DLG2: variants seen among roughly 807,000 people sequenced by gnomAD.
The protein encoded by DLG2 is disks large homolog 2.
DLG2 carries 45 observed loss-of-function variants against 132.5 expected under a neutral mutation model. That is an observed-to-expected ratio of 0.34 (90% CI 0.27 to 0.44). The LOEUF is 0.44. Among genes scored for constraint, DLG2 ranks in the 20% least tolerant of loss-of-function variants. The pLI is 1.00. For synonymous variants in DLG2, 424 were observed against 419.6 expected (o/e 1.01, Z -0.13); for missense variants, 1,045 against 1,196.9 (o/e 0.87, Z 1.87).
chr11:83,820,086 C>G (rs530645480), intron 17 of DLG2, among the ~76,000 whole-genome samples: 1 of 152,250 alleles, frequency 6.6e-6, no homozygotes, highest in African/African-American at 2.4e-5. Context: ...AGTATGAAAA[C>G]TGGGCAAAAG....
chr11:84,983,193 A>G (rs1009370140), intron 6 of DLG2, among the ~76,000 whole-genome samples: 1 of 152,150 alleles, frequency 6.6e-6, no homozygotes, highest in African/African-American at 2.4e-5. Context: ...TACACTAGGA[A>G]AGCCAAGAGA....
At chr11:84,228,335 G>A (rs890589585) in intron 8 of DLG2, among the ~76,000 whole-genome samples, 1 of 152,172 alleles carries the variant, frequency 6.6e-6, no homozygotes. Context: ...ATTAGTCCTT[G>A]ACACATTCAT....
intron 16 of DLG2, among the ~76,000 whole-genome samples, chr11:83,840,271 A>T (rs2057256213): frequency 6.6e-6 from 1 of 152,104 alleles, no homozygotes; most frequent in Non-Finnish European, 1.5e-5. Context: ...GAAAATGTGA[A>T]CTCCTAGAAC....
At chr11:85,000,750 C>G (rs1271096782) in intron 6 of DLG2, among the ~76,000 whole-genome samples, 1 of 152,172 alleles carries the variant, frequency 6.6e-6, no homozygotes, top group Non-Finnish European at 1.5e-5. Context: ...TATCCTAGCT[C>G]TGCTCTCCTC....
intron 3 of DLG2, among the ~76,000 whole-genome samples, chr11:85,342,680 A>G (rs2082580044): frequency 6.6e-6 from 1 of 152,230 alleles, no homozygotes; most frequent in South Asian, 2.1e-4. Context: ...AGACTTTTAT[A>G]CAACTGGCAG....
intron 3 of DLG2, among the ~76,000 whole-genome samples, chr11:85,412,149 A>T (rs2089367992): frequency 6.6e-6 from 1 of 151,854 alleles, no homozygotes; most frequent in South Asian, 2.1e-4. Flanking sequence ...TAGAGTTAGG[A>T]ATAAGCATAT....
intron 7 of DLG2, among the ~76,000 whole-genome samples, chr11:84,285,580 T>G (rs1184793749): frequency 6.6e-6 from 1 of 152,204 alleles, no homozygotes; most frequent in Non-Finnish European, 1.5e-5. Flanking sequence ...ACCAGATCCC[T>G]GTCCTCTATT....
intron 3 of DLG2, among the ~76,000 whole-genome samples, chr11:85,303,977 A>C (rs1016773170): frequency 6.6e-6 from 1 of 152,206 alleles, no homozygotes; most frequent in Admixed American, 6.5e-5. Context: ...AATGTTATAC[A>C]TGGTTTTCAA....
intron 6 of DLG2, among the ~76,000 whole-genome samples, chr11:84,672,806 C>T (rs2099707321): frequency 6.6e-6 from 1 of 151,966 alleles, no homozygotes; most frequent in Admixed American, 6.6e-5. Context: ...GAAGAAATAC[C>T]TAAGACTTGG....
chr11:85,128,335 G>GA, intron 5 of DLG2, among the ~76,000 whole-genome samples: 4 of 151,846 alleles, frequency 2.6e-5, no homozygotes, highest in Non-Finnish European at 5.9e-5. Context: ...TTTATCTTCA[G>GA]AGAAAATATA....
chr11:84,294,228 T>C (rs1270012255), intron 7 of DLG2, among the ~76,000 whole-genome samples: 1 of 152,222 alleles, frequency 6.6e-6, no homozygotes, highest in African/African-American at 2.4e-5. Flanking sequence ...TATGAGTTTA[T>C]TATCTTAAAG....
chr11:84,893,591 T>C (rs2089761298), intron 6 of DLG2, among the ~76,000 whole-genome samples: 1 of 152,188 alleles, frequency 6.6e-6, no homozygotes, highest in South Asian at 2.1e-4. Context: ...TGAGTCTCAC[T>C]TTGAACGTGG....
rs565262139 is a variant in DLG2, at chr11:83,825,578, T to C, written c.1722+8036A>G. ...GACGCTTGGGGCAATTCATGAGTTC[T>C]CTGGTCCCTTTTAGATAATGGAGGG... On this transcript the variant is annotated intron_variant, in intron 17 of 27. Transcript: ENST00000376104. 9.9e-5 allele frequency among the ~76,000 whole-genome samples: 15 copies of C among 152,260 alleles called. No individual in the cohort carries two copies. The East Asian group carries it at 2.7e-3, about 27-fold the overall frequency.
chr11:85,479,122 T>A (rs1158433332), intron 3 of DLG2, among the ~76,000 whole-genome samples: 1 of 151,888 alleles, frequency 6.6e-6, no homozygotes, highest in Non-Finnish European at 1.5e-5. Flanking sequence ...AACAAAGGAG[T>A]CAGCATCAAT....
rs192358837 is a variant in DLG2 at position 85,316,902 on chromosome 11, A to G, written c.41-31537T>C. 1.4e-4 allele frequency among the ~76,000 whole-genome samples: 21 copies of G among 151,896 alleles called. 1 individual carries two copies. The highest frequency in any genetic ancestry group is 4.1e-4 in the African/African-American group (17 of 41,478). On this transcript the variant is annotated intron_variant, in intron 3 of 27. Coordinates refer to ENST00000376104, the MANE Select transcript of DLG2 (RefSeq NM_001142699.3). ...GAATCTACAGTCTTATGGGAGACAC[A>G]AAACTTATCAAATACATACTTAAAT...
chr11:84,898,010 G>A (rs1359095785), intron 6 of DLG2, among the ~76,000 whole-genome samples: 2 of 151,842 alleles, frequency 1.3e-5, no homozygotes, highest in Non-Finnish European at 2.9e-5. Flanking sequence ...TTGATGGTAG[G>A]TAAGTTTGAG....
In DLG2 at chr11:84,653,349, A is replaced by G. The variant is rs1346422337; in HGVS notation, c.358-118618T>C. Reference sequence around the variant, plus strand: ...CTTTCAAAAAGATCTAACTTACATTAAACTGAAATGATTTTCCTGGTAACT... The same window carrying G: ...CTTTCAAAAAGATCTAACTTACATTGAACTGAAATGATTTTCCTGGTAACT... On this transcript the variant is annotated intron_variant, in intron 6 of 27. Transcript: ENST00000376104. Among the ~76,000 whole-genome samples the G allele has an allele frequency of 2.9e-4, 44 of 152,228 alleles. 1 individual carries two copies. The highest frequency in any genetic ancestry group is 2.9e-3 in the Admixed American group (44 of 15,280).
At chr11:84,547,643 G>A (rs2099392895) in intron 6 of DLG2, among the ~76,000 whole-genome samples, 1 of 152,100 alleles carries the variant, frequency 6.6e-6, no homozygotes, top group Non-Finnish European at 1.5e-5. Flanking sequence ...CTTTCCAGAT[G>A]CTTTCCCTAG....
chr11:83,695,234 T>C (rs1414810135), intron 18 of DLG2, among the ~76,000 whole-genome samples: 2 of 152,228 alleles, frequency 1.3e-5, no homozygotes, highest in African/African-American at 4.8e-5. Context: ...ATTATATGCC[T>C]GACCTAGTGC....
Sources: gnomAD v4.1 joint callset for allele counts (sites outside exome capture counted in the v4.1 genomes callset) on GRCh38, gnomAD v4.1.1 for gene constraint, MANE v1.5 for transcripts, NCBI Gene and HGNC (gene_info 2026-07-23, HGNC 2026-07-21) for gene names.